Variants in COL15A1 observed in about 807,000 individuals in gnomAD.
COL15A1 encodes collagen alpha-1(XV) chain.
A neutral mutation model predicts 165.9 loss-of-function variants in COL15A1; 111 were observed. The observed-to-expected ratio is 0.67, with a 90% CI of 0.57 to 0.78. COL15A1 has a LOEUF of 0.78. Among genes scored for constraint, COL15A1 ranks in the 30% least tolerant of loss-of-function variants. The probability of loss-of-function intolerance (pLI) is 0.00; values close to 1 mark genes in which losing one functional copy is unlikely to be tolerated. For missense variants in COL15A1, 1,745 were observed against 1,789.7 expected (o/e 0.98, Z 0.45); for synonymous variants, 659 against 674.8 (o/e 0.98, Z 0.36).
chr9:98,999,851 A>G (rs1467796759), intron 6 of COL15A1, among the ~76,000 whole-genome samples: 1 of 124,180 alleles, frequency 8.1e-6, no homozygotes, highest in Non-Finnish European at 1.6e-5. Context: ...TCAAAAATCC[A>G]TTTGCGTTTT....
rs73503719 is a variant in COL15A1 at position 99,006,565 on chromosome 9, A to T, written c.1353+1515A>T. 1.5e-4 allele frequency among the ~76,000 whole-genome samples: 23 copies of T among 152,190 alleles called. No individual in the cohort carries two copies. The East Asian group carries it at 3.9e-3, about 26-fold the overall frequency. ...GTGGGGGACATGCACTGATGGTGCCACAGGCCACTGGGCAGTTATATGGAT... is the reference window on the plus strand; with the variant it reads ...GTGGGGGACATGCACTGATGGTGCCTCAGGCCACTGGGCAGTTATATGGAT... On this transcript the variant is annotated intron_variant, in intron 9 of 41. Coordinates refer to ENST00000375001, the MANE Select transcript of COL15A1 (RefSeq NM_001855.5).
chr9:99,068,082 C>T (rs1228869907), intron 40 of COL15A1, among the ~76,000 whole-genome samples: 1 of 152,168 alleles, frequency 6.6e-6, no homozygotes, highest in Non-Finnish European at 1.5e-5. Context: ...TAAAATCAAA[C>T]CACAAACATT....
chr9:98,984,295 A>G (rs1251275894), intron 2 of COL15A1, among the ~76,000 whole-genome samples: 1 of 152,190 alleles, frequency 6.6e-6, no homozygotes, highest in Non-Finnish European at 1.5e-5. Flanking sequence ...AAGTGGGTGC[A>G]TGTTGCTGCA....
At chr9:99,040,799 A>ACTT in intron 23 of COL15A1, 1 of 608,198 alleles carries the variant, frequency 1.6e-6, no homozygotes, top group Non-Finnish European at 2.8e-6. Context: ...GATTACAAGC[A>ACTT]TGAGCCCCTG....
chr9:99,006,156 C>T (rs1443388273), intron 9 of COL15A1, among the ~76,000 whole-genome samples: 2 of 152,224 alleles, frequency 1.3e-5, no homozygotes, highest in Non-Finnish European at 2.9e-5. Flanking sequence ...GCTCAAACAC[C>T]ACTTCCTCAA....
intron 24 of COL15A1, among the ~76,000 whole-genome samples, chr9:99,044,129 G>C (rs78788856): frequency 0.013 from 1,979 of 152,230 alleles, 91 homozygotes; most frequent in East Asian, 0.13. Flanking sequence ...CTCAGGTTGA[G>C]TTGCTAGGAA....
At chr9:98,971,846 G>C (rs1252876166) in intron 2 of COL15A1, among the ~76,000 whole-genome samples, 2 of 152,162 alleles carry the variant, frequency 1.3e-5, no homozygotes, top group Non-Finnish European at 1.5e-5. Context: ...GTCACAGGAT[G>C]GGGGAGCCAC....
chr9:99,001,421 C>A (rs933851103), intron 7 of COL15A1, among the ~76,000 whole-genome samples: 7 of 152,172 alleles, frequency 4.6e-5, no homozygotes, highest in Admixed American at 1.3e-4. Flanking sequence ...CTCACAATGG[C>A]CCCTGCTGAA....
At position 98,955,866 on chromosome 9, in the gene COL15A1, G is replaced by GATTGT. The variant is rs1415913229; in HGVS notation, c.100+11616_100+11617insATTGT. ...TCTCCAACTACAATCTTAGTGGCTA[G>GATTGT]CTAGTTCTGACTTGATTGTCTAGCT... On this transcript the variant is annotated intron_variant, in intron 2 of 41. Transcript: ENST00000375001. 5.3e-5 allele frequency among the ~76,000 whole-genome samples: 8 copies of GATTGT among 152,230 alleles called. No homozygotes were observed. In the South Asian group the frequency reaches 1.7e-3, roughly 32 times the overall value.
chr9:98,994,316 C>T (rs1185168206), intron 5 of COL15A1, among the ~76,000 whole-genome samples: 1 of 152,180 alleles, frequency 6.6e-6, no homozygotes, highest in Non-Finnish European at 1.5e-5. Flanking sequence ...CACCCAGATG[C>T]TCACAGTTCT....
chr9:98,961,032 C>A (rs1837857475), intron 2 of COL15A1, among the ~76,000 whole-genome samples: 1 of 152,180 alleles, frequency 6.6e-6, no homozygotes, highest in Admixed American at 6.5e-5. Flanking sequence ...TGAAACATAG[C>A]TAAACAAGGA....
rs936995411 is a variant in COL15A1, at chr9:99,015,566, TGTAA to T, written c.1503+3_1503+6del. On this transcript the variant is annotated splice_donor_variant and splice_donor_region_variant and intron_variant, in intron 10 of 41. Transcript: ENST00000375001. LOFTEE classifies it high-confidence loss of function. Reference sequence around the variant, plus strand: ...TGGCCCCTGAGCGGGCAGTCACTTCTGTAAGTGTCATCTTGTGTCCTCTCTGGCT... The same window carrying T: ...TGGCCCCTGAGCGGGCAGTCACTTCTGTGTCATCTTGTGTCCTCTCTGGCT... 2.5e-6 allele frequency: 4 copies of T among 1,613,372 alleles called. No homozygotes were observed. The highest frequency in any genetic ancestry group is 2.7e-5 in the African/African-American group (2 of 74,916).
intron 14 of COL15A1, among the ~76,000 whole-genome samples, chr9:99,024,608 G>T (rs1839089664): frequency 6.6e-6 from 1 of 152,100 alleles, no homozygotes; most frequent in African/African-American, 2.4e-5. Context: ...GATCTTTCTT[G>T]TATTCAGCCT....
Position 98,986,190 on chromosome 9 carries a change from AT to A in COL15A1, c.648+80del, listed in dbSNP as rs1838310861. 5.4e-6 allele frequency: 6 copies of A among 1,112,774 alleles called. No individual in the cohort carries two copies. The African/African-American group carries it at 9.5e-5, about 18-fold the overall frequency. 68.9% of individuals were successfully genotyped at this position (1,112,774 alleles called of 1,614,324 possible). ...CCATGCAATAAATGGAGCAACTATT[AT>A]TGTTATTATTTTATTCTTATGTCCT... is the stretch of plus-strand genomic sequence containing the variant. On this transcript the variant is annotated intron_variant, in intron 3 of 41. Coordinates refer to ENST00000375001, the MANE Select transcript of COL15A1 (RefSeq NM_001855.5).
intron 39 of COL15A1, 43 bp downstream of exon 39, chr9:99,063,152 T>C (rs1007807090): frequency 1.3e-6 from 2 of 1,549,268 alleles, no homozygotes; most frequent in African/African-American, 2.8e-5. Context: ...ACTGAGTGTA[T>C]ATCTGCTAAG....
At chr9:99,068,720 G>T in intron 41 of COL15A1, 50 bp downstream of exon 41, 1 of 1,102,598 alleles carries the variant, frequency 9.1e-7, no homozygotes, top group Non-Finnish European at 1.3e-6. Flanking sequence ...TAGTTTTAGG[G>T]GGCATCCTAA....
chr9:98,947,122 GACCAAAA>G (rs1277569251), intron 2 of COL15A1, among the ~76,000 whole-genome samples: 3 of 152,132 alleles, frequency 2.0e-5, no homozygotes, highest in African/African-American at 7.2e-5. Flanking sequence ...TATTTATAAT[GACCAAAA>G]CTGGAAATAA....
rs1231945345 is a variant in COL15A1, at chr9:98,992,499, C to A, written c.804+3241C>A. Reference sequence around the variant, plus strand: ...GCCCACACGTCTCTCTCCACACCTCCCCACAAGCAGAGGGAGCCGGCTTCA... The same window carrying A: ...GCCCACACGTCTCTCTCCACACCTCACCACAAGCAGAGGGAGCCGGCTTCA... On this transcript the variant is annotated intron_variant, in intron 5 of 41. Transcript: ENST00000375001. Among the ~76,000 whole-genome samples, 4 of 152,242 alleles carry A rather than the reference C, an allele frequency of 2.6e-5. No homozygotes were observed. The East Asian group carries it at 7.7e-4, about 29-fold the overall frequency.
intron 2 of COL15A1, among the ~76,000 whole-genome samples, chr9:98,967,133 T>A (rs576022799): frequency 6.6e-6 from 1 of 152,342 alleles, no homozygotes; most frequent in Admixed American, 6.5e-5. Context: ...ACCTACCTCC[T>A]GAAGGGCTCA....
Sources: allele counts gnomAD v4.1 joint callset (sites outside exome capture counted in the v4.1 genomes callset), GRCh38; gene constraint gnomAD v4.1.1; transcripts MANE v1.5; gene names NCBI Gene and HGNC (gene_info 2026-07-23, HGNC 2026-07-21).